CSMD1: variants seen among roughly 807,000 people sequenced by gnomAD.
CSMD1 encodes the protein CUB and sushi domain-containing protein 1.
A neutral mutation model predicts 417.5 loss-of-function variants in CSMD1; 213 were observed. The observed-to-expected ratio is 0.51, with a 90% CI of 0.46 to 0.57. The LOEUF is 0.57. CSMD1 is among the 20% of genes least tolerant of loss of function. The pLI is 0.00. For synonymous variants in CSMD1, 2,862 were observed against 1,736.8 expected (o/e 1.65, Z -16.11); for missense variants, 6,923 against 4,529.7 (o/e 1.53, Z -15.17).
intron 3 of CSMD1, among the ~76,000 whole-genome samples, chr8:4,182,814 C>T (rs139131005): frequency 3.4e-4 from 52 of 152,180 alleles, no homozygotes; most frequent in African/African-American, 1.2e-3. Context: ...CAAGTTAAAA[C>T]ATGCAATTAT....
chr8:3,247,596 C>T (rs992726421), intron 26 of CSMD1, among the ~76,000 whole-genome samples: 4 of 152,220 alleles, frequency 2.6e-5, no homozygotes, highest in Admixed American at 6.5e-5. Context: ...TCTCCCTTCC[C>T]TGTGGGGAGA....
intron 5 of CSMD1, among the ~76,000 whole-genome samples, chr8:3,887,789 G>A (rs1806666079): frequency 6.6e-6 from 1 of 152,176 alleles, no homozygotes; most frequent in South Asian, 2.1e-4. Context: ...TGTGGTATCA[G>A]AAAAGGCATT....
intron 12 of CSMD1, among the ~76,000 whole-genome samples, chr8:3,454,210 G>T (rs1390609126): frequency 6.6e-6 from 1 of 152,120 alleles, no homozygotes; most frequent in African/African-American, 2.4e-5. Flanking sequence ...GTGTGTCTCT[G>T]CACGTTAGAT....
At chr8:2,946,421 C>T (rs1022962236) in intron 68 of CSMD1, among the ~76,000 whole-genome samples, 18 of 152,150 alleles carry the variant, frequency 1.2e-4, no homozygotes, top group African/African-American at 4.3e-4. Context: ...ACCCAGGCAA[C>T]CACTAATCAG....
intron 1 of CSMD1, chr8:4,787,764 C>T: frequency 1.9e-6 from 3 of 1,580,512 alleles, no homozygotes; most frequent in Non-Finnish European, 2.6e-6. Context: ...CAAAATTTTG[C>T]TTCGCTGGAC....
In CSMD1 at chr8:4,191,350, C is replaced by T. The variant is rs184542239; in HGVS notation, c.416-159251G>A. Among the ~76,000 whole-genome samples the T allele has an allele frequency of 7.9e-3, 1,202 of 152,082 alleles. 14 individuals carry two copies. The highest frequency in any genetic ancestry group is 0.027 in the African/African-American group (1,134 of 41,492). On this transcript the variant is annotated intron_variant, in intron 3 of 69. Transcript: ENST00000635120. Reference sequence around the variant, plus strand: ...GGCAGAGCCTGCAGTGAGCAGAGATCGCGCCACTGCACTCCAGCCTGGGCA... The same window carrying T: ...GGCAGAGCCTGCAGTGAGCAGAGATTGCGCCACTGCACTCCAGCCTGGGCA...
At chr8:2,957,920 TA>T in intron 62 of CSMD1, 113 bp from the exon 63 acceptor site, 1 of 699,940 alleles carries the variant, frequency 1.4e-6, no homozygotes, top group South Asian at 1.7e-5. Flanking sequence ...CTTTTCAGGT[TA>T]ATGTCAAGCC....
At chr8:3,852,310 G>A (rs576432748) in intron 5 of CSMD1, among the ~76,000 whole-genome samples, 1 of 152,170 alleles carries the variant, frequency 6.6e-6, no homozygotes. Context: ...CAGAGGTGGG[G>A]TTTGTAGGGA....
At chr8:4,162,421 T>C (rs1318179530) in intron 3 of CSMD1, among the ~76,000 whole-genome samples, 1 of 152,184 alleles carries the variant, frequency 6.6e-6, no homozygotes. Flanking sequence ...ATAGTGTAAC[T>C]GATAAAATAA....
intron 5 of CSMD1, among the ~76,000 whole-genome samples, chr8:3,965,777 C>G (rs1320737782): frequency 1.3e-5 from 2 of 152,022 alleles, no homozygotes; most frequent in African/African-American, 2.4e-5. Flanking sequence ...GACACCACAC[C>G]TGGCTAATAT....
chr8:3,517,482 T>C (rs769305952), intron 10 of CSMD1, among the ~76,000 whole-genome samples: 3 of 152,126 alleles, frequency 2.0e-5, no homozygotes, highest in Non-Finnish European at 4.4e-5. Flanking sequence ...CAGGTAAAGA[T>C]AGTTTGATAA....
rs541023662 is a variant in CSMD1, at chr8:4,820,999, G to C, written c.85+173333C>G. ...TGGTAAGAGACACAATCTGCACGTA[G>C]TCATTAGAATGTCTCAGATCGCACG... On this transcript the variant is annotated intron_variant, in intron 1 of 69. Coordinates refer to ENST00000635120, the MANE Select transcript of CSMD1 (RefSeq NM_033225.6). Among the ~76,000 whole-genome samples, 6 of 152,220 alleles carry C rather than the reference G, an allele frequency of 3.9e-5. No individual in the cohort carries two copies. In the East Asian group the frequency reaches 9.7e-4, roughly 25 times the overall value.
chr8:4,289,088 G>C, intron 3 of CSMD1, among the ~76,000 whole-genome samples: 1 of 152,082 alleles, frequency 6.6e-6, no homozygotes, highest in African/African-American at 2.4e-5. Context: ...AATTATATTT[G>C]GTGTAACAGC....
chr8:4,973,874 A>G (rs879879567), intron 1 of CSMD1, among the ~76,000 whole-genome samples: 7 of 152,204 alleles, frequency 4.6e-5, no homozygotes, highest in Non-Finnish European at 8.8e-5. Context: ...CAAATCCAAC[A>G]CAATCACACC....
At chr8:4,217,898 G>C (rs1036446317) in intron 3 of CSMD1, among the ~76,000 whole-genome samples, 5 of 152,280 alleles carry the variant, frequency 3.3e-5, no homozygotes, top group African/African-American at 1.2e-4. Flanking sequence ...TTTCAGATGA[G>C]ACTATGCAAA....
intron 3 of CSMD1, among the ~76,000 whole-genome samples, chr8:4,045,912 G>C (rs539978503): frequency 6.6e-6 from 1 of 151,802 alleles, no homozygotes; most frequent in Non-Finnish European, 1.5e-5. Context: ...ACACACACAG[G>C]TATTACATAT....
At chr8:3,899,085 G>T (rs980126162) in intron 5 of CSMD1, among the ~76,000 whole-genome samples, 4 of 152,132 alleles carry the variant, frequency 2.6e-5, no homozygotes, top group Non-Finnish European at 4.4e-5. Context: ...ATAGAGAAGG[G>T]TTCATCTCTA....
At chr8:3,246,179 C>G (rs533752105) in intron 26 of CSMD1, among the ~76,000 whole-genome samples, 3 of 152,218 alleles carry the variant, frequency 2.0e-5, no homozygotes, top group Admixed American at 6.5e-5. Flanking sequence ...AGCTCCACAC[C>G]TGGATCTGCT....
At chr8:3,100,793 T>C (rs1203217396) in intron 46 of CSMD1, among the ~76,000 whole-genome samples, 1 of 152,180 alleles carries the variant, frequency 6.6e-6, no homozygotes, top group African/African-American at 2.4e-5. Context: ...CTAGGATTAA[T>C]AGCATAAATT....
Sources: allele counts gnomAD v4.1 joint callset (sites outside exome capture counted in the v4.1 genomes callset), GRCh38; gene constraint gnomAD v4.1.1; transcripts MANE v1.5; gene names NCBI Gene and HGNC (gene_info 2026-07-23, HGNC 2026-07-21).